Variants in MAZ observed in about 807,000 individuals in gnomAD.
The protein encoded by MAZ is myc-associated zinc finger protein.
In MAZ, 4 loss-of-function variants were observed where a neutral mutation model predicts 32.7. The observed-to-expected ratio is 0.12, with a 90% CI of 0.06 to 0.28. The LOEUF (loss-of-function observed/expected upper bound fraction) is 0.28. MAZ is among the 10% of genes least tolerant of loss of function. MAZ has a pLI of 1.00. For missense variants in MAZ, 763 were observed against 667.2 expected, an observed-to-expected ratio of 1.14 and a Z score of -1.58; for synonymous variants, 510 against 297.6, an observed-to-expected ratio of 1.71 and a Z score of -7.35.
At chr16:29,809,349 G>A in intron 4 of MAZ, 2 of 591,294 alleles carry the variant, frequency 3.4e-6, no homozygotes, top group East Asian at 2.9e-5. Flanking sequence ...CACCACACAA[G>A]CCAGGCCCCA....
In MAZ at chr16:29,806,584, C is replaced by T. The variant is rs1392225175; in HGVS notation, c.-118C>T. ...CGCGGGCGGCGGGGCGGCCCGCGGG[C>T]CATGCGTTCGGCGCGGCCCAGCCCG... is the stretch of plus-strand genomic sequence containing the variant. On this transcript the variant is annotated 5_prime_UTR_variant, in exon 1 of 5. Transcript: ENST00000322945. 4.2e-6 allele frequency: 4 copies of T among 962,644 alleles called. No individual in the cohort carries two copies. Among genetic ancestry groups the T allele is most frequent in the African/African-American group, 3.7e-5 (2 of 54,772 alleles). 59.6% of individuals were successfully genotyped at this position (962,644 alleles called of 1,614,324 possible).
Position 29,810,151 on chromosome 16 carries a change from C to T in MAZ, c.1354C>T (p.Pro452Ser), listed in dbSNP as rs1370712370. The T allele has an allele frequency of 1.9e-6, 3 of 1,609,558 alleles. No individual in the cohort carries two copies. The highest frequency in any genetic ancestry group is 2.5e-6 in the Non-Finnish European group (3 of 1,177,484). ...AAAAAAAVAAPPTAVGSLSGA... is the reference protein window; with the variant it reads ...AAAAAAAVAASPTAVGSLSGA... ...GGCAGCAGCGGCAGCAGTAGCAGCC[C>T]CTCCCACAGCTGTGGGCTCCCTCTC... The change falls in exon 5 of 5, where the codon CCT (proline) becomes TCT (serine). Residue 452 changes from proline to serine, a missense_variant. Physicochemically the swap from Pro to Ser is moderately conservative, Grantham distance 74 (BLOSUM62 -1). Transcript: ENST00000322945.
chr16:29,808,459 A>G, intron 3 of MAZ, 111 bp from the exon 4 acceptor site: 6 of 999,992 alleles, frequency 6.0e-6, no homozygotes, highest in Non-Finnish European at 9.1e-6. Context: ...CATTTCCTAC[A>G]GATCAAAGAT....
In MAZ at chr16:29,806,607, C is replaced by T; in HGVS notation, c.-95C>T. 1 of 968,114 alleles carries T rather than the reference C, an allele frequency of 1.0e-6. No individual in the cohort carries two copies. The highest frequency in any genetic ancestry group is 1.2e-6 in the Non-Finnish European group (1 of 819,548). The allele number at this position is 968,114 out of a possible 1,614,324, so 60.0% of individuals were successfully genotyped here. A position where few individuals can be genotyped will look rare whatever the true frequency, so the allele number is the denominator to read the frequency against. On this transcript the variant is annotated 5_prime_UTR_variant, in exon 1 of 5. Coordinates refer to ENST00000322945, the MANE Select transcript of MAZ (RefSeq NM_002383.4). ...GGCCATGCGTTCGGCGCGGCCCAGC[C>T]CGGCCGGCCGGGGGCGGCGCCCCGA... is the stretch of plus-strand genomic sequence containing the variant.
At chr16:29,807,861 G>A in intron 2 of MAZ, 33 bp downstream of exon 2, 2 of 1,590,932 alleles carry the variant, frequency 1.3e-6, no homozygotes, top group Non-Finnish European at 1.7e-6. Context: ...CCGCTAGGCC[G>A]TGGGGAGGGA....
In MAZ at chr16:29,810,826, C is replaced by T. The variant is rs531989184; in HGVS notation, c.*595C>T. 6 of 343,594 alleles carry T rather than the reference C, an allele frequency of 1.7e-5. No homozygotes were observed. Among genetic ancestry groups the T allele is most frequent in the Non-Finnish European group, 3.4e-5 (6 of 175,962 alleles). The allele number at this position is 343,594 out of a possible 1,614,324, so 21.3% of individuals were successfully genotyped here. On this transcript the variant is annotated 3_prime_UTR_variant, in exon 5 of 5. Transcript: ENST00000322945. ...GTTGGGGTCAGGCCCTGAACATCGT[C>T]CTACTTGAGAATCTGTCAGGGGAAA...
chr16:29,807,102 C>A lies in MAZ; in HGVS notation c.317C>A (p.Ala106Asp). 1 of 1,008,766 alleles carries A rather than the reference C, an allele frequency of 9.9e-7. No homozygotes were observed. The highest frequency in any genetic ancestry group is 1.2e-6 in the Non-Finnish European group (1 of 838,660). 62.5% of individuals were successfully genotyped at this position (1,008,766 alleles called of 1,614,324 possible). Residue 106 changes from alanine to aspartate, a missense_variant, in exon 2 of 5, where the codon GCT (alanine) becomes GAT (aspartate). Transcript: ENST00000322945. ...AAAAAAAAAA[A>D]AAVAAAPPAP... ...GCTGCTGCGGCCGCTGCCGCCGCTG[C>A]TGCCGCCGTCGCTGCCGCGCCCCCG...
rs1354785963 is a variant in MAZ, at chr16:29,810,586, C to A, written c.*355C>A. On this transcript the variant is annotated 3_prime_UTR_variant, in exon 5 of 5. Coordinates refer to ENST00000322945, the MANE Select transcript of MAZ (RefSeq NM_002383.4). ...GGGACTTGTGAGCCTCTTCCCTCGA[C>A]GGTCCTCTTCTCTCCTTCCAGTCCT... 1 of 689,086 alleles carries A rather than the reference C, an allele frequency of 1.5e-6. No individual in the cohort carries two copies. The highest frequency in any genetic ancestry group is 1.8e-5 in the African/African-American group (1 of 56,868). The allele number at this position is 689,086 out of a possible 1,614,324, so 42.7% of individuals were successfully genotyped here.
At chr16:29,808,357 G>C in intron 3 of MAZ, 64 bp downstream of exon 3, 6 of 1,518,268 alleles carry the variant, frequency 4.0e-6, no homozygotes, top group Non-Finnish European at 3.7e-6. Context: ...AGCTGTCTGA[G>C]TCAGTCTCTC....
intron 4 of MAZ, chr16:29,809,560 C>G: frequency 6.2e-7 from 1 of 1,611,480 alleles, no homozygotes; most frequent in Non-Finnish European, 8.5e-7. Context: ...GGCAGCATAC[C>G]TGCGCATCCA....
At position 29,807,568 on chromosome 16, in the gene MAZ, C is replaced by T. The variant is rs770297129; in HGVS notation, c.783C>T (p.Ala261=). Residue 261 remains alanine (A), a synonymous_variant, in exon 2 of 5, where the codon GCC becomes GCT. Coordinates refer to ENST00000322945, the MANE Select transcript of MAZ (RefSeq NM_002383.4). The part of the protein sequence containing the change: ...AGAGGGAAAV[A]AGGVVTTTAS... ...CCGGCGGCGGCGCTGCCGCAGTGGC[C>T]GCCGGTGGCGTGGTGACCACGACCG... The T allele has an allele frequency of 6.2e-7, 1 of 1,606,814 alleles. No individual in the cohort carries two copies. The highest frequency in any genetic ancestry group is 2.2e-5 in the East Asian group (1 of 44,620).
Position 29,806,839 on chromosome 16 carries a change from T to C in MAZ, c.138T>C (p.Ala46=). 1.4e-6 allele frequency: 2 copies of C among 1,451,406 alleles called. No individual in the cohort carries two copies. Among genetic ancestry groups the C allele is most frequent in the East Asian group, 3.0e-5 (1 of 32,912 alleles). The allele number at this position is 1,451,406 out of a possible 1,614,324, so 89.9% of individuals were successfully genotyped here. The change falls in exon 1 of 5, where the codon GCT becomes GCC. Residue 46 remains alanine, a synonymous_variant. Coordinates refer to ENST00000322945, the MANE Select transcript of MAZ (RefSeq NM_002383.4). The stretch of plus-strand genomic sequence containing the variant: ...CCCAGAACCCCCTGCAGGTCGGGGC[T>C]GAGCTCCAGTCCCGCTTCTTTGCCT... ...GHAQNPLQVG[A]ELQSRFFASQ...
Position 29,808,560 on chromosome 16 carries a change from CCCT to C in MAZ, c.1108-5_1108-3del, listed in dbSNP as rs572754024. The C allele has an allele frequency of 7.0e-3, 11,239 of 1,604,782 alleles. 59 individuals carry two copies. Among genetic ancestry groups the C allele is most frequent in the Non-Finnish European group, 8.4e-3 (9,890 of 1,175,606 alleles). On this transcript the variant is annotated splice_polypyrimidine_tract_variant and splice_region_variant and intron_variant, in intron 3 of 4. Transcript: ENST00000322945. ...CTGTGACACCCCCCACGCCCCTCCC[CCCT>C]CCTCAGAAATGTGAGGCAGCTTTCG...
At chr16:29,809,259 G>T in intron 4 of MAZ, 2 of 544,934 alleles carry the variant, frequency 3.7e-6, no homozygotes, top group Non-Finnish European at 6.5e-6. Flanking sequence ...AAGTGGCTAG[G>T]AGTCAGTGTC....
rs1435446669 is a variant in MAZ, at chr16:29,807,799, C to T, written c.1014C>T (p.Asn338=). The T allele has an allele frequency of 2.5e-6, 4 of 1,610,014 alleles. No homozygotes were observed. The highest frequency in any genetic ancestry group is 1.3e-5 in the African/African-American group (1 of 74,938). The change falls in exon 2 of 5, where the codon AAC becomes AAT. Residue 338 remains asparagine, a synonymous_variant. Coordinates refer to ENST00000322945, the MANE Select transcript of MAZ (RefSeq NM_002383.4). ...ACGGCGCTGTGCACAAGCCCTACAA[C>T]TGCTCCCACTGTGGCAAGAGCTTCT... ...SHDGAVHKPY[N]CSHCGKSFSR...
chr16:29,809,004 G>A, intron 4 of MAZ: 1 of 558,554 alleles, frequency 1.8e-6, no homozygotes, highest in Non-Finnish European at 3.1e-6. Flanking sequence ...TGGCTGCTCT[G>A]GGGAAGGAGT....
Position 29,806,735 on chromosome 16 carries a change from C to A in MAZ, c.34C>A (p.Pro12Thr), listed in dbSNP as rs530190319. The change falls in exon 1 of 5, where the codon CCC becomes ACC. Residue 12 changes from proline to threonine, a missense_variant. Transcript: ENST00000322945. ...GGTGTTTCCTTGCACGCTGCTGGCC[C>A]CCCCCTTCCCCGTGCTGGGCCTGGA... ...FPVFPCTLLAPPFPVLGLDSR... is the reference protein window; with the variant it reads ...FPVFPCTLLATPFPVLGLDSR... The A allele has an allele frequency of 2.9e-5, 40 of 1,390,438 alleles. No individual in the cohort carries two copies. The highest frequency in any genetic ancestry group is 3.7e-5 in the Non-Finnish European group (39 of 1,054,598). The allele number at this position is 1,390,438 out of a possible 1,614,324, so 86.1% of individuals were successfully genotyped here.
At position 29,810,662 on chromosome 16, in the gene MAZ, C is replaced by T. The variant is rs1389132840; in HGVS notation, c.*431C>T. ...CCCGGGGAGTTGGTGCTTTCTTTTC[C>T]TTTTTTTTTTTTTTCCAGGGGGAGG... On this transcript the variant is annotated 3_prime_UTR_variant, in exon 5 of 5. Transcript: ENST00000322945. 11 of 434,024 alleles carry T rather than the reference C, an allele frequency of 2.5e-5. No individual in the cohort carries two copies. The highest frequency in any genetic ancestry group is 4.7e-5 in the East Asian group (1 of 21,452). The allele number at this position is 434,024 out of a possible 1,614,324, so 26.9% of individuals were successfully genotyped here. A position where few individuals can be genotyped will look rare whatever the true frequency, so the allele number is the denominator to read the frequency against.
At position 29,808,709 on chromosome 16, in the gene MAZ, GTCC is replaced by G. The variant is rs1567371400; in HGVS notation, c.1250_1252del (p.Pro417del). On this transcript the variant is annotated inframe_deletion, in exon 4 of 5. Transcript: ENST00000322945. The stretch of plus-strand genomic sequence containing the variant: ...GACCACATGAAGGTGCACAGCCAGG[GTCC>G]TCACCATGTCTGTGAGCTCTGCAAC... 6.2e-7 allele frequency: 1 copy of G among 1,613,852 alleles called. No individual in the cohort carries two copies. Among genetic ancestry groups the G allele is most frequent in the Non-Finnish European group, 8.5e-7 (1 of 1,180,000 alleles).
Sources: allele counts gnomAD v4.1 joint callset, GRCh38; gene constraint gnomAD v4.1.1; transcripts MANE v1.5; gene names NCBI Gene and HGNC (gene_info 2026-07-23, HGNC 2026-07-21).